The following CFAP61 variants were observed in gnomAD, a reference collection of about 807,000 sequenced individuals.
CFAP61 encodes the protein cilia and flagella associated protein 61.
In CFAP61, 107 loss-of-function variants were observed where a neutral mutation model predicts 135.6. The observed-to-expected ratio is 0.79, with a 90% confidence interval of 0.67 to 0.93. The LOEUF (loss-of-function observed/expected upper bound fraction) is 0.93, where lower values mean the gene tolerates loss of function less well. Among genes scored for constraint, CFAP61 ranks in the 40% least tolerant of loss-of-function variants. CFAP61 has a pLI of 0.00. For missense variants in CFAP61, 1,507 were observed against 1,556.2 expected (o/e 0.97, Z 0.53); for synonymous variants, 575 against 578.5 (o/e 0.99, Z 0.09).
At chr20:20,228,804 G>C (rs149978961) in intron 18 of CFAP61, among the ~76,000 whole-genome samples, 1 of 152,062 alleles carries the variant, frequency 6.6e-6, no homozygotes, top group African/African-American at 2.4e-5. Flanking sequence ...TTACTGGCCC[G>C]ATCACAAAAA....
intron 13 of CFAP61, among the ~76,000 whole-genome samples, chr20:20,183,367 A>G (rs1481243279): frequency 2.6e-5 from 4 of 151,962 alleles, no homozygotes; most frequent in African/African-American, 9.7e-5. Context: ...TCACCATGTC[A>G]GCTGGGCTGG....
chr20:20,108,395 AT>A (rs2146662847), intron 8 of CFAP61, among the ~76,000 whole-genome samples: 1 of 152,306 alleles, frequency 6.6e-6, no homozygotes, highest in South Asian at 2.1e-4. Context: ...AAATAAACAA[AT>A]GTAAAAACCC....
At chr20:20,085,676 A>C in intron 6 of CFAP61, 1 of 406,934 alleles carries the variant, frequency 2.5e-6, no homozygotes, top group Admixed American at 3.8e-5. Flanking sequence ...TTAAAAGCCT[A>C]TGGTGCACAG....
intron 25 of CFAP61, among the ~76,000 whole-genome samples, chr20:20,330,253 A>G (rs1047885021): frequency 2.6e-5 from 4 of 152,164 alleles, no homozygotes; most frequent in African/African-American, 7.2e-5. Flanking sequence ...GTAATAAGCT[A>G]TTTTACATTT....
At chr20:20,089,524 A>G (rs2146612077) in intron 6 of CFAP61, among the ~76,000 whole-genome samples, 1 of 152,136 alleles carries the variant, frequency 6.6e-6, no homozygotes, top group South Asian at 2.1e-4. Flanking sequence ...ATTAGTAGCC[A>G]AAGCAGATAT....
intron 25 of CFAP61, among the ~76,000 whole-genome samples, chr20:20,338,457 A>C (rs980827864): frequency 3.9e-5 from 6 of 152,116 alleles, no homozygotes; most frequent in Non-Finnish European, 1.5e-5. Context: ...TTTTTGTTAA[A>C]AAAAATCTTG....
At chr20:20,149,622 AC>A (rs1305296274) in intron 9 of CFAP61, among the ~76,000 whole-genome samples, 1 of 151,798 alleles carries the variant, frequency 6.6e-6, no homozygotes, top group Non-Finnish European at 1.5e-5. Flanking sequence ...ATTTAACCTT[AC>A]CTGCCACTGA....
intron 25 of CFAP61, among the ~76,000 whole-genome samples, chr20:20,340,581 C>T (rs559320987): frequency 7.2e-5 from 11 of 152,120 alleles, no homozygotes; most frequent in East Asian, 1.9e-4. Flanking sequence ...AGTTTAAAGG[C>T]GCCGGGCAGG....
At chr20:20,313,448 G>A (rs867750767) in intron 25 of CFAP61, among the ~76,000 whole-genome samples, 1 of 152,204 alleles carries the variant, frequency 6.6e-6, no homozygotes, top group African/African-American at 2.4e-5. Context: ...GTAGGCTGCG[G>A]TGTAGGCAAA....
intron 8 of CFAP61, among the ~76,000 whole-genome samples, chr20:20,132,671 A>G (rs1275559824): frequency 6.6e-6 from 1 of 151,830 alleles, no homozygotes; most frequent in East Asian, 1.9e-4. Context: ...TTCATTATAG[A>G]TTTTAAGTCT....
intron 3 of CFAP61, among the ~76,000 whole-genome samples, chr20:20,072,795 G>A (rs4814936): frequency 0.73 from 110,312 of 152,042 alleles, 40,202 homozygotes; most frequent in East Asian, 0.92. Context: ...CAAATACTTC[G>A]TAGGAAAAAA....
intron 2 of CFAP61, among the ~76,000 whole-genome samples, chr20:20,059,485 GCA>G (rs1202432585): frequency 3.3e-5 from 5 of 150,922 alleles, no homozygotes; most frequent in African/African-American, 4.9e-5. Context: ...AGGAGTGGTG[GCA>G]CACACATGTA....
At chr20:20,315,951 T>C (rs1381381264) in intron 25 of CFAP61, among the ~76,000 whole-genome samples, 17 of 152,232 alleles carry the variant, frequency 1.1e-4, no homozygotes, top group African/African-American at 3.9e-4. Context: ...CCTTGTAGTA[T>C]AGTTTGAAGT....
intron 3 of CFAP61, 90 bp from the exon 4 acceptor site, chr20:20,074,212 G>A: frequency 3.1e-6 from 3 of 972,884 alleles, no homozygotes; most frequent in Non-Finnish European, 5.0e-6. Context: ...TTCTGTGTCT[G>A]TGGATGCCCC....
chr20:20,098,517 A>G, intron 7 of CFAP61, 138 bp from the exon 8 acceptor site: 1 of 689,384 alleles, frequency 1.5e-6, no homozygotes, highest in East Asian at 3.0e-5. Context: ...GGCTGGGGAG[A>G]AGAATTGCTT....
At chr20:20,099,037 G>A (rs2047808444) in intron 8 of CFAP61, among the ~76,000 whole-genome samples, 2 of 151,984 alleles carry the variant, frequency 1.3e-5, no homozygotes, top group African/African-American at 4.8e-5. Flanking sequence ...TGGGGCCTTA[G>A]GGCTCCCACA....
chr20:20,110,416 G>T (rs2048720149), intron 8 of CFAP61, among the ~76,000 whole-genome samples: 1 of 152,078 alleles, frequency 6.6e-6, no homozygotes, highest in African/African-American at 2.4e-5. Context: ...GAAGACTAGG[G>T]CTACAAGTTC....
chr20:20,228,562 G>T, intron 18 of CFAP61, 186 bp downstream of exon 18: 1 of 472,796 alleles, frequency 2.1e-6, no homozygotes, highest in Non-Finnish European at 3.8e-6. Context: ...ATAGCCCTGA[G>T]GCCAGGCCTG....
At position 20,090,929 on chromosome 20, in the gene CFAP61, G is replaced by C. The variant is rs115295521; in HGVS notation, c.652G>C (p.Glu218Gln). The C allele has an allele frequency of 6.2e-7, 1 of 1,614,066 alleles. No individual in the cohort carries two copies. The highest frequency in any genetic ancestry group is 1.3e-5 in the African/African-American group (1 of 75,036). Residue 218 changes from glutamate (E) to glutamine (Q), a missense_variant, in exon 7 of 27, where the codon GAA (glutamate) becomes CAA (glutamine). Glu to Gln is a conservative substitution (Grantham distance 29). Transcript: ENST00000245957. ...AACTTACGGTGAATACTTCCTGGCC[G>C]AACTAATAGAGGCCCAAGATGAAGA... Reference protein sequence around the residue: ...KETYGEYFLAELIEAQDEENH... With the variant: ...KETYGEYFLAQLIEAQDEENH...
Sources: gnomAD v4.1 joint callset for allele counts (sites outside exome capture counted in the v4.1 genomes callset) on GRCh38, gnomAD v4.1.1 for gene constraint, MANE v1.5 for transcripts, NCBI Gene and HGNC (gene_info 2026-07-23, HGNC 2026-07-21) for gene names.